UMAD1: variants seen among roughly 807,000 people sequenced by gnomAD.
The protein encoded by UMAD1 is UBAP1-MVB12-associated (UMA) domain containing 1, also known as UBAP1-MVB12-associated (UMA)-domain containing protein 1.
A neutral mutation model predicts 6.1 loss-of-function variants in UMAD1; 8 were observed. That is an observed-to-expected ratio of 1.30 (90% confidence interval 0.76 to 2.35). The LOEUF (loss-of-function observed/expected upper bound fraction) is 2.35, where lower values mean the gene tolerates loss of function less well. Ranked by LOEUF, UMAD1 falls within the 30% of genes most tolerant of loss-of-function variation. UMAD1 has a pLI of 0.00. For synonymous variants in UMAD1, 56 were observed against 31.4 expected (o/e 1.78, Z -2.61); for missense variants, 130 against 78.4 (o/e 1.66, Z -2.49).
At chr7:7,746,753 G>A (rs1015214837) in intron 2 of UMAD1, among the ~76,000 whole-genome samples, 1 of 152,222 alleles carries the variant, frequency 6.6e-6, no homozygotes, top group Non-Finnish European at 1.5e-5. Context: ...TCCCTCAGAT[G>A]TTTCACACCT....
At chr7:7,654,158 A>G (rs548233095) in intron 1 of UMAD1, among the ~76,000 whole-genome samples, 2 of 152,328 alleles carry the variant, frequency 1.3e-5, no homozygotes, top group South Asian at 4.1e-4. Context: ...GAAAACAAAC[A>G]CAGATCCTTA....
chr7:7,827,177 G>GTGTGTGTGTGTGTGTGTGTGTA (rs34214373), intron 3 of UMAD1, among the ~76,000 whole-genome samples: 2 of 147,180 alleles, frequency 1.4e-5, no homozygotes, highest in Non-Finnish European at 1.5e-5. Flanking sequence ...GTGTGTGTGT[G>GTGTGTGTGTGTGTGTGTGTGTA]TATCACATGA....
At chr7:7,672,033 A>G (rs1465538191) in intron 1 of UMAD1, among the ~76,000 whole-genome samples, 2 of 152,150 alleles carry the variant, frequency 1.3e-5, no homozygotes, top group Admixed American at 6.6e-5. Context: ...TCTCTGATCT[A>G]CAACTCAGGT....
intron 2 of UMAD1, among the ~76,000 whole-genome samples, chr7:7,701,009 T>A (rs1780448338): frequency 6.6e-6 from 1 of 152,176 alleles, no homozygotes; most frequent in Admixed American, 6.5e-5. Flanking sequence ...ATGATCACGG[T>A]ACTACACTCC....
chr7:7,781,504 C>G (rs1160256852), intron 2 of UMAD1, among the ~76,000 whole-genome samples: 1 of 151,744 alleles, frequency 6.6e-6, no homozygotes, highest in Non-Finnish European at 1.5e-5. Context: ...TGTTTATAAT[C>G]CTATCCAGAA....
chr7:7,693,490 C>A (rs1272719370), intron 2 of UMAD1, among the ~76,000 whole-genome samples: 1 of 152,066 alleles, frequency 6.6e-6, no homozygotes, highest in African/African-American at 2.4e-5. Flanking sequence ...ATTTGGGTTT[C>A]TCTCTCATGT....
chr7:7,775,019 G>A (rs113807914), intron 2 of UMAD1, among the ~76,000 whole-genome samples: 4 of 151,760 alleles, frequency 2.6e-5, no homozygotes, highest in African/African-American at 4.8e-5. Context: ...CTCCTCTACC[G>A]GTCCTTCCTC....
intron 2 of UMAD1, among the ~76,000 whole-genome samples, chr7:7,727,933 C>T (rs577241248): frequency 7.9e-5 from 12 of 152,028 alleles, no homozygotes; most frequent in South Asian, 2.1e-4. Flanking sequence ...TTTTTATATA[C>T]GATTGTGTGA....
intron 3 of UMAD1, among the ~76,000 whole-genome samples, chr7:7,825,792 G>T (rs1012267861): frequency 6.6e-6 from 1 of 152,124 alleles, no homozygotes; most frequent in Non-Finnish European, 1.5e-5. Context: ...ACTCAAATAG[G>T]ATTCCCTAGA....
At chr7:7,743,854 AC>A (rs753738189) in intron 2 of UMAD1, among the ~76,000 whole-genome samples, 7 of 152,164 alleles carry the variant, frequency 4.6e-5, no homozygotes, top group Non-Finnish European at 8.8e-5. Context: ...TGAAACCATC[AC>A]CACTGTCTAT....
At chr7:7,858,935 G>A (rs1239408377) in intron 3 of UMAD1, among the ~76,000 whole-genome samples, 2 of 152,024 alleles carry the variant, frequency 1.3e-5, no homozygotes, top group African/African-American at 4.8e-5. Flanking sequence ...TGCTGTTTAT[G>A]GGAGTAAAAC....
At chr7:7,838,008 C>T (rs1470303629) in intron 3 of UMAD1, among the ~76,000 whole-genome samples, 2 of 151,924 alleles carry the variant, frequency 1.3e-5, no homozygotes, top group Admixed American at 1.3e-4. Flanking sequence ...ATGTTGTATG[C>T]CCCCAATAAC....
intron 2 of UMAD1, among the ~76,000 whole-genome samples, chr7:7,774,122 T>A (rs1782154864): frequency 6.6e-6 from 1 of 152,188 alleles, no homozygotes; most frequent in Non-Finnish European, 1.5e-5. Flanking sequence ...CACCAAAATC[T>A]TCTTCCCCTT....
At chr7:7,739,839 G>T (rs557887760) in intron 2 of UMAD1, among the ~76,000 whole-genome samples, 2 of 152,340 alleles carry the variant, frequency 1.3e-5, no homozygotes, top group South Asian at 4.1e-4. Context: ...AGTAGTTAGA[G>T]AAACTTGTGA....
intron 2 of UMAD1, among the ~76,000 whole-genome samples, chr7:7,698,340 T>C (rs1406430432): frequency 6.6e-6 from 1 of 152,222 alleles, no homozygotes; most frequent in East Asian, 1.9e-4. Flanking sequence ...ATAAGGTTTA[T>C]ATAATGGTGC....
chr7:7,697,762 A>AT (rs772377260), intron 2 of UMAD1, among the ~76,000 whole-genome samples: 4 of 152,064 alleles, frequency 2.6e-5, no homozygotes, highest in Admixed American at 6.6e-5. Context: ...GATTTACTGT[A>AT]TTTTTTCCTT....
At chr7:7,819,006 C>T (rs1783186987) in intron 3 of UMAD1, among the ~76,000 whole-genome samples, 1 of 152,108 alleles carries the variant, frequency 6.6e-6, no homozygotes, top group Non-Finnish European at 1.5e-5. Context: ...CATGCCACAA[C>T]ACCCAGCTAA....
chr7:7,730,134 G>A (rs2115191144), intron 2 of UMAD1, among the ~76,000 whole-genome samples: 1 of 152,300 alleles, frequency 6.6e-6, no homozygotes, highest in South Asian at 2.1e-4. Flanking sequence ...GCACGATAAT[G>A]TATCTTTGCT....
intron 2 of UMAD1, among the ~76,000 whole-genome samples, chr7:7,693,618 T>C (rs1332851011): frequency 6.6e-6 from 1 of 152,180 alleles, no homozygotes; most frequent in African/African-American, 2.4e-5. Context: ...AATTCTACTA[T>C]ATTTTAAAAA....
Sources: allele counts gnomAD v4.1 joint callset (sites outside exome capture counted in the v4.1 genomes callset), GRCh38; gene constraint gnomAD v4.1.1; transcripts MANE v1.5; gene names NCBI Gene and HGNC (gene_info 2026-07-23, HGNC 2026-07-21).